The following COL5A1 variants were observed in gnomAD, a reference collection of about 807,000 sequenced individuals.
COL5A1 encodes the protein collagen type V alpha 1 chain.
COL5A1 carries 16 observed loss-of-function variants against 263.7 expected under a neutral mutation model. The ratio of observed to expected loss-of-function variants is 0.06; its 90% CI spans 0.04 to 0.09. The LOEUF is 0.09. COL5A1 is among the 10% of genes least tolerant of loss of function. COL5A1 has a pLI of 1.00. For synonymous variants in COL5A1, 1,012 were observed against 1,004.5 expected, an observed-to-expected ratio of 1.01 and a Z score of -0.14; for missense variants, 2,036 against 2,540.5, an observed-to-expected ratio of 0.80 and a Z score of 4.27.
intron 1 of COL5A1, among the ~76,000 whole-genome samples, chr9:134,654,754 T>G (rs1431573070): frequency 8.5e-5 from 8 of 94,118 alleles, no homozygotes; most frequent in Admixed American, 3.3e-4. Context: ...GTAGGGCTGG[T>G]GTGTGTAGGG....
intron 63 of COL5A1, among the ~76,000 whole-genome samples, chr9:134,828,354 G>T (rs978312614): frequency 6.6e-6 from 1 of 152,108 alleles, no homozygotes. Context: ...CCATGGCAGC[G>T]TGAGCTGGCT....
chr9:134,714,821 CGAT>C (rs1287905607), intron 4 of COL5A1, among the ~76,000 whole-genome samples: 30 of 50,042 alleles, frequency 6.0e-4, no homozygotes, highest in Non-Finnish European at 9.6e-4. Context: ...GTGGTGGAGG[CGAT>C]GATGGTGGTG....
In COL5A1 at chr9:134,814,849, C is replaced by A; in HGVS notation, c.3959C>A (p.Ala1320Asp). The change falls in exon 50 of 66, where the codon GCC becomes GAC. Residue 1320 changes from alanine to aspartate, a missense_variant. By Grantham distance (126) the Ala-to-Asp change is moderately radical. Coordinates refer to ENST00000371817, the MANE Select transcript of COL5A1 (RefSeq NM_000093.5). The stretch of plus-strand genomic sequence containing the variant: ...GGCGAGTCAGGCCCTTCAGGTGCTG[C>A]CGGACCCCCTGGACCCAAAGGCCCT... Reference protein sequence around the residue: ...EKGESGPSGAAGPPGPKGPPG... With the variant: ...EKGESGPSGADGPPGPKGPPG... 6.4e-7 allele frequency: 1 copy of A among 1,551,730 alleles called. No individual in the cohort carries two copies. Among genetic ancestry groups the A allele is most frequent in the South Asian group, 1.2e-5 (1 of 84,096 alleles).
chr9:134,785,006 C>G lies in COL5A1; in HGVS notation c.2502C>G (p.Pro834=). The change falls in exon 30 of 66, where the codon CCC becomes CCG. Residue 834 remains proline (P), a synonymous_variant. Coordinates refer to ENST00000371817, the MANE Select transcript of COL5A1 (RefSeq NM_000093.5). ...GCTTGCAGGGGGAGATCGGCCCACC[C>G]GGTCCCAGGGGAGAAGATGGCCCTG... ...IKGDRGEIGP[P]GPRGEDGPEG... is the part of the protein sequence containing the mutation. 6.2e-7 allele frequency: 1 copy of G among 1,613,304 alleles called. No individual in the cohort carries two copies.
At position 134,642,227 on chromosome 9, in the gene COL5A1, C is replaced by T. The variant is rs1831314080; in HGVS notation, c.40C>T (p.Arg14Cys). The change falls in exon 1 of 66, where the codon CGC (arginine) becomes TGC (cysteine). Residue 14 changes from arginine to cysteine, a missense_variant. Physicochemically the swap from Arg to Cys is radical, Grantham distance 180. Transcript: ENST00000371817. This position sits in a 1 kb window ranked among gnomAD's most constrained non-coding sequence, Gnocchi z 4.5. ...HTRWKARSAL[R>C]PGAPLLPPLL... Reference sequence around the variant, plus strand: ...CCGCTGGAAAGCGCGCAGCGCGCTCCGCCCGGGCGCCCCGCTGCTGCCCCC... The same window carrying T: ...CCGCTGGAAAGCGCGCAGCGCGCTCTGCCCGGGCGCCCCGCTGCTGCCCCC... 7 of 1,296,196 alleles carry T rather than the reference C, an allele frequency of 5.4e-6. No individual in the cohort carries two copies. The highest frequency in any genetic ancestry group is 4.6e-5 in the South Asian group (2 of 43,236). 80.3% of individuals were successfully genotyped at this position (1,296,196 alleles called of 1,614,324 possible).
In COL5A1 at chr9:134,694,402, T is replaced by A. The variant is rs1833389466; in HGVS notation, c.277+3323T>A. On this transcript the variant is annotated intron_variant, in intron 2 of 65. Coordinates refer to ENST00000371817, the MANE Select transcript of COL5A1 (RefSeq NM_000093.5). ...GCACGAACTGGCAGAGTGATCTGGG[T>A]GCCAGGGAGACACAGCCATGAATAG... 2.6e-5 allele frequency among the ~76,000 whole-genome samples: 4 copies of A among 152,146 alleles called. No homozygotes were observed. The South Asian group carries it at 8.3e-4, about 31-fold the overall frequency.
intron 41 of COL5A1, 92 bp downstream of exon 41, chr9:134,805,306 C>T (rs1838256669): frequency 6.9e-7 from 1 of 1,444,268 alleles, no homozygotes; most frequent in Non-Finnish European, 9.7e-7. Flanking sequence ...ATGCAGCTGC[C>T]CCAGACCCCC....
At chr9:134,840,307 G>A (rs899312899) in intron 65 of COL5A1, among the ~76,000 whole-genome samples, 24 of 152,204 alleles carry the variant, frequency 1.6e-4, no homozygotes, top group Non-Finnish European at 3.5e-4. Context: ...GTTGTGAGAA[G>A]GGCAGGGTCA....
rs1341085360 is a variant in COL5A1, at chr9:134,820,183, T to C, written c.4514T>C (p.Leu1505Pro). The part of the protein sequence containing the change: ...GEQGEKGDRG[L>P]PGPQGSSGPK... ...CAGGGTGAGAAGGGCGACCGTGGTC[T>C]CCCTGGCCCCCAGGGCTCCTCCGGT... The change falls in exon 58 of 66, where the codon CTC (leucine) becomes CCC (proline). Residue 1505 changes from leucine (L) to proline (P), a missense_variant. Leu to Pro is a moderately conservative substitution (Grantham distance 98). Transcript: ENST00000371817. The C allele has an allele frequency of 6.2e-7, 1 of 1,613,910 alleles. No individual in the cohort carries two copies. The highest frequency in any genetic ancestry group is 1.1e-5 in the South Asian group (1 of 91,076).
chr9:134,708,480 G>T (rs144840554), intron 4 of COL5A1: 1 of 456,484 alleles, frequency 2.2e-6, no homozygotes, highest in Non-Finnish European at 4.4e-6. Flanking sequence ...CTAGGTCCTC[G>T]GTCCAAGACC....
Position 134,809,187 on chromosome 9 carries a change from A to G in COL5A1, c.3371A>G (p.Glu1124Gly). The G allele has an allele frequency of 6.3e-7, 1 of 1,581,110 alleles. No homozygotes were observed. The highest frequency in any genetic ancestry group is 8.6e-7 in the Non-Finnish European group (1 of 1,162,802). The change falls in exon 43 of 66, where the codon GAG becomes GGG. Residue 1124 changes from glutamate (E) to glycine (G), a missense_variant. By Grantham distance (98) the Glu-to-Gly change is moderately conservative. Around this residue, in one of 3 missense-constraint regions of COL5A1, gnomAD observed 1,078 missense variants for 1,521.4 expected, o/e 0.71. Transcript: ENST00000371817. ...GPAGEKGAPG[E>G]KGPQGPAGRD... ...GAGATCTTCTGTATTCTCTAGGGCG[A>G]GAAAGGCCCACAAGGCCCAGCTGGC... is the stretch of plus-strand genomic sequence containing the variant.
chr9:134,748,011 T>TCA (rs201334079), intron 11 of COL5A1, among the ~76,000 whole-genome samples: 2,869 of 100,046 alleles, frequency 0.029, 150 homozygotes, highest in African/African-American at 0.094. Flanking sequence ...ACACATGCAT[T>TCA]CACACACATG....
chr9:134,813,418 G>A (rs750045949), intron 48 of COL5A1, among the ~76,000 whole-genome samples: 11 of 152,290 alleles, frequency 7.2e-5, no homozygotes, highest in South Asian at 2.1e-4. Context: ...ATTGGAAGAC[G>A]CCTTCCACCG....
Position 134,755,341 on chromosome 9 carries a change from TG to T in COL5A1, c.1827+1016del, listed in dbSNP as rs1462812847. On this transcript the variant is annotated intron_variant, in intron 16 of 65. Transcript: ENST00000371817. This position sits in a 1 kb window ranked among gnomAD's most constrained non-coding sequence, Gnocchi z 4.1. ...TTTCACTAGAACTGGTTTCCTAGAG[TG>T]AGGTTAAAAACTGGAACAAGAGGAG... Among the ~76,000 whole-genome samples, 3 of 152,030 alleles carry T rather than the reference TG, an allele frequency of 2.0e-5. No homozygotes were observed. The highest frequency in any genetic ancestry group is 7.3e-5 in the African/African-American group (3 of 41,374).
chr9:134,707,239 G>A (rs540144876), intron 4 of COL5A1, among the ~76,000 whole-genome samples: 2 of 152,310 alleles, frequency 1.3e-5, no homozygotes, highest in African/African-American at 4.8e-5. Flanking sequence ...TTAAGCTGTT[G>A]AAGGTTTCAA....
chr9:134,795,153 T>A lies in COL5A1; in HGVS notation c.2745+27T>A, dbSNP rs764141970. 17 of 1,614,044 alleles carry A rather than the reference T, an allele frequency of 1.1e-5. No individual in the cohort carries two copies. In the South Asian group the frequency reaches 1.6e-4, roughly 16 times the overall value. Reference sequence around the variant, plus strand: ...TAACCACCCTTTCAGCTTGTGGGCATGTTTGGGAAACGGGAGCATGGTTTA... The same window carrying A: ...TAACCACCCTTTCAGCTTGTGGGCAAGTTTGGGAAACGGGAGCATGGTTTA... On this transcript the variant is annotated intron_variant, in intron 33 of 65. Transcript: ENST00000371817.
In COL5A1 at chr9:134,767,305, C is replaced by G. The variant is rs1836711601; in HGVS notation, c.2188-5C>G. 5.6e-6 allele frequency: 9 copies of G among 1,614,062 alleles called. No homozygotes were observed. Among genetic ancestry groups the G allele is most frequent in the Non-Finnish European group, 7.6e-6 (9 of 1,179,952 alleles). On this transcript the variant is annotated splice_region_variant and splice_polypyrimidine_tract_variant and intron_variant, in intron 23 of 65. Coordinates refer to ENST00000371817, the MANE Select transcript of COL5A1 (RefSeq NM_000093.5). ...CTTCCCTTTCTGGCTCTTTCTCCCT[C>G]TTAGGGTCTTCCAGGCCCCCAGGGT...
Position 134,796,832 on chromosome 9 carries a change from C to A in COL5A1, c.2845-16C>A. 1 of 1,613,986 alleles carries A rather than the reference C, an allele frequency of 6.2e-7. No homozygotes were observed. The highest frequency in any genetic ancestry group is 1.1e-5 in the South Asian group (1 of 91,080). ...AGAGACCTCTTGTCCTCAAACTGGC[C>A]TTTCTCTGTTCCCAGGGACCCAATG... On this transcript the variant is annotated splice_polypyrimidine_tract_variant and intron_variant, in intron 35 of 65. Coordinates refer to ENST00000371817, the MANE Select transcript of COL5A1 (RefSeq NM_000093.5).
chr9:134,769,351 G>A (rs919932416), intron 25 of COL5A1, among the ~76,000 whole-genome samples: 4 of 152,176 alleles, frequency 2.6e-5, no homozygotes, highest in Non-Finnish European at 5.9e-5. Context: ...TCATCCCCAC[G>A]CGCGCAGCTG....
Sources: allele counts gnomAD v4.1 joint callset (sites outside exome capture counted in the v4.1 genomes callset), GRCh38; gene constraint gnomAD v4.1.1; regional missense constraint gnomAD v4.1.1; non-coding constraint Gnocchi (gnomAD v3.1); transcripts MANE v1.5; gene names NCBI Gene and HGNC (gene_info 2026-07-23, HGNC 2026-07-21).